The following RANBP2 variants were observed in gnomAD, a reference collection of about 807,000 sequenced individuals.
RANBP2 encodes E3 SUMO-protein ligase RanBP2.
RANBP2 carries 57 observed loss-of-function variants against 303.6 expected under a neutral mutation model. The ratio of observed to expected loss-of-function variants is 0.19; its 90% CI spans 0.15 to 0.23. The LOEUF is 0.23. RANBP2 is among the 10% of genes least tolerant of loss of function. The probability of loss-of-function intolerance (pLI) is 1.00; values close to 1 mark genes in which losing one functional copy is unlikely to be tolerated. For missense variants in RANBP2, 3,138 were observed against 3,780.8 expected (o/e 0.83, Z 4.46); for synonymous variants, 1,167 against 1,301.5 (o/e 0.90, Z 2.23).
the RANBP2 span, among the ~76,000 whole-genome samples, chr2:108,912,971 C>T: frequency 7.6e-5 from 11 of 144,674 alleles, no homozygotes; most frequent in South Asian, 8.8e-4. Flanking sequence ...TTTGGTGAGA[C>T]GGAGTCTTGC....
the RANBP2 span, among the ~76,000 whole-genome samples, chr2:109,430,895 C>T: frequency 3.7e-4 from 56 of 152,270 alleles, no homozygotes; most frequent in South Asian, 0.012. Flanking sequence ...CACAGCATGT[C>T]CCTAGGAGGA....
the RANBP2 span, among the ~76,000 whole-genome samples, chr2:109,345,034 G>A: frequency 6.6e-6 from 1 of 152,160 alleles, no homozygotes; most frequent in Non-Finnish European, 1.5e-5. Flanking sequence ...TACCAGTGAG[G>A]CCATGGTCCC....
At chr2:109,684,578 G>A in the RANBP2 span, among the ~76,000 whole-genome samples, 1 of 143,500 alleles carries the variant, frequency 7.0e-6, no homozygotes, top group East Asian at 2.1e-4. Context: ...CTGTCGTCCA[G>A]GATGGAGTGC....
chr2:109,636,359 C>T, the RANBP2 span, among the ~76,000 whole-genome samples: 1,455 of 152,120 alleles, frequency 9.6e-3, 23 homozygotes, highest in African/African-American at 0.034. Flanking sequence ...ATACACATTA[C>T]TTCTATGAAA....
At chr2:109,468,532 C>T in the RANBP2 span, among the ~76,000 whole-genome samples, 2 of 152,152 alleles carry the variant, frequency 1.3e-5, no homozygotes, top group Admixed American at 1.3e-4. Context: ...TGGCAAGAAG[C>T]GAGCACAAAC....
the RANBP2 span, among the ~76,000 whole-genome samples, chr2:109,694,801 A>ATGTGTGTG: frequency 8.1e-3 from 1,184 of 146,312 alleles, 15 homozygotes; most frequent in African/African-American, 0.027. Flanking sequence ...ATCCATAGGG[A>ATGTGTGTG]TGTGTGTGTG....
At chr2:109,265,844 A>G in the RANBP2 span, among the ~76,000 whole-genome samples, 4 of 152,172 alleles carry the variant, frequency 2.6e-5, no homozygotes, top group African/African-American at 7.2e-5. Context: ...GGGTGGGTCA[A>G]GGGGGTGGAC....
At chr2:109,413,045 C>T in the RANBP2 span, among the ~76,000 whole-genome samples, 1 of 152,186 alleles carries the variant, frequency 6.6e-6, no homozygotes, top group Non-Finnish European at 1.5e-5. Flanking sequence ...GCAGGTTTTT[C>T]GTATCATAAA....
chr2:109,215,654 C>T, the RANBP2 span, among the ~76,000 whole-genome samples: 44,997 of 151,926 alleles, frequency 0.3, 7,661 homozygotes, highest in South Asian at 0.39. Context: ...TGGGCTCTCA[C>T]CTACGATTTT....
chr2:109,544,928 A>C, the RANBP2 span: 1 of 982,554 alleles, frequency 1.0e-6, no homozygotes. Flanking sequence ...CTCTTTTCCA[A>C]AAAAACAAAC....
At chr2:109,589,488 C>T in the RANBP2 span, among the ~76,000 whole-genome samples, 1 of 151,994 alleles carries the variant, frequency 6.6e-6, no homozygotes, top group Non-Finnish European at 1.5e-5. Context: ...CAAGATCCTG[C>T]CACTGTGCTC....
In RANBP2 at chr2:108,764,448, C is replaced by T; in HGVS notation, c.3909C>T (p.Ser1303=). 6.2e-7 allele frequency: 1 copy of T among 1,613,934 alleles called. No homozygotes were observed. Among genetic ancestry groups the T allele is most frequent in the Non-Finnish European group, 8.5e-7 (1 of 1,179,984 alleles). The change falls in exon 20 of 29, where the codon AGC becomes AGT. Residue 1303 remains serine, a synonymous_variant. Coordinates refer to ENST00000283195, the MANE Select transcript of RANBP2 (RefSeq NM_006267.5). ...AATGCAAGTTTGAAGAAGCCCAGAG[C>T]ATTTTAAAAGCCCCAGGAACAAATG... ...LFKCKFEEAQ[S]ILKAPGTNVA... is the part of the protein sequence containing the mutation.
Position 108,731,429 on chromosome 2 carries a change from A to G in RANBP2, c.360A>G (p.Arg120=). The change falls in exon 4 of 29, where the codon AGA becomes AGG. Residue 120 remains arginine (R), a synonymous_variant. Coordinates refer to ENST00000283195, the MANE Select transcript of RANBP2 (RefSeq NM_006267.5). ...GAAGAGCAAAATACTGGCTTGAAAG[A>G]GCAGCCAAACTTTTCCCAGGAAGTC... is the stretch of plus-strand genomic sequence containing the variant. The part of the protein sequence containing the change: ...TDGRAKYWLE[R]AAKLFPGSPA... The G allele has an allele frequency of 6.2e-7, 1 of 1,611,584 alleles. No individual in the cohort carries two copies. Among genetic ancestry groups the G allele is most frequent in the Non-Finnish European group, 8.5e-7 (1 of 1,179,580 alleles).
At chr2:109,689,196 C>T in the RANBP2 span, among the ~76,000 whole-genome samples, 2 of 152,104 alleles carry the variant, frequency 1.3e-5, no homozygotes, top group Non-Finnish European at 2.9e-5. Flanking sequence ...CGTGAGCCAC[C>T]GTGCCCGGCC....
At chr2:109,051,546 C>T in the RANBP2 span, among the ~76,000 whole-genome samples, 1 of 152,022 alleles carries the variant, frequency 6.6e-6, no homozygotes, top group African/African-American at 2.4e-5. Flanking sequence ...TTTCTTGGGT[C>T]AAACCAATAG....
chr2:109,295,459 G>A, the RANBP2 span, among the ~76,000 whole-genome samples: 1 of 152,248 alleles, frequency 6.6e-6, no homozygotes, highest in Non-Finnish European at 1.5e-5. Context: ...AGGGCAGGGA[G>A]AGGACCCTGG....
the RANBP2 span, among the ~76,000 whole-genome samples, chr2:109,351,075 A>C: frequency 6.6e-6 from 1 of 152,248 alleles, no homozygotes; most frequent in Admixed American, 6.5e-5. Context: ...ATGAATAATC[A>C]GTTTTTGTAA....
chr2:109,265,099 C>T, the RANBP2 span, among the ~76,000 whole-genome samples: 14 of 152,060 alleles, frequency 9.2e-5, no homozygotes, highest in Non-Finnish European at 1.6e-4. Context: ...TAGACTTTGC[C>T]CACTTGAGGC....
chr2:108,827,927 T>C, the RANBP2 span, among the ~76,000 whole-genome samples: 1 of 151,594 alleles, frequency 6.6e-6, no homozygotes, highest in South Asian at 2.1e-4. Context: ...TATGTAAACA[T>C]ATATTAAAAC....
Sources: allele counts gnomAD v4.1 joint callset (sites outside exome capture counted in the v4.1 genomes callset), GRCh38; gene constraint gnomAD v4.1.1; transcripts MANE v1.5; gene names NCBI Gene and HGNC (gene_info 2026-07-23, HGNC 2026-07-21).